Variants in PAPPA2 observed in about 807,000 individuals in gnomAD.
PAPPA2 encodes pappalysin-2.
In PAPPA2, 86 loss-of-function variants were observed where a neutral mutation model predicts 176.4. The ratio of observed to expected loss-of-function variants is 0.49; its 90% CI spans 0.41 to 0.58. PAPPA2 has a LOEUF of 0.58. Among genes scored for constraint, PAPPA2 ranks in the 20% least tolerant of loss-of-function variants. The pLI, the probability that PAPPA2 is intolerant of heterozygous loss-of-function variation, is 0.00. For missense variants in PAPPA2, 2,073 were observed against 2,256.9 expected, an observed-to-expected ratio of 0.92 and a Z score of 1.65; for synonymous variants, 809 against 852.2, an observed-to-expected ratio of 0.95 and a Z score of 0.88.
intron 2 of PAPPA2, among the ~76,000 whole-genome samples, chr1:176,566,337 A>G (rs1210663086): frequency 1.3e-5 from 2 of 152,066 alleles, no homozygotes; most frequent in African/African-American, 4.8e-5. Flanking sequence ...ATGGCCTGTG[A>G]TTATCCTATT....
chr1:176,637,765 T>C (rs1368908888), intron 3 of PAPPA2, among the ~76,000 whole-genome samples: 2 of 152,158 alleles, frequency 1.3e-5, no homozygotes, highest in African/African-American at 2.4e-5. Flanking sequence ...ATTCAATTGT[T>C]TGTGGCCTTT....
chr1:176,721,700 T>C (rs184830211), intron 12 of PAPPA2, among the ~76,000 whole-genome samples: 1 of 152,324 alleles, frequency 6.6e-6, no homozygotes, highest in East Asian at 1.9e-4. Context: ...ATATTCTCTC[T>C]GTCTTTTGTC....
chr1:176,569,051 C>T (rs749669295), intron 2 of PAPPA2, among the ~76,000 whole-genome samples: 21 of 152,206 alleles, frequency 1.4e-4, no homozygotes, highest in Non-Finnish European at 2.5e-4. Flanking sequence ...CCCATGCATA[C>T]TCATGTGTAC....
chr1:176,686,179 T>C (rs757316446), intron 4 of PAPPA2, among the ~76,000 whole-genome samples: 30 of 152,120 alleles, frequency 2.0e-4, no homozygotes, highest in Admixed American at 3.3e-4. Context: ...TCACGCTGCT[T>C]TGAAGAAATA....
chr1:176,746,075 G>A (rs1356998301), intron 14 of PAPPA2, among the ~76,000 whole-genome samples: 1 of 152,194 alleles, frequency 6.6e-6, no homozygotes, highest in Non-Finnish European at 1.5e-5. Flanking sequence ...ACTAGGTGGT[G>A]AGCACCACTG....
chr1:176,587,636 A>G (rs1354662139), intron 2 of PAPPA2, among the ~76,000 whole-genome samples: 3 of 152,102 alleles, frequency 2.0e-5, no homozygotes, highest in Admixed American at 6.6e-5. Flanking sequence ...GTTCTACTCC[A>G]TTGGTCTTTA....
chr1:176,571,674 A>G (rs1283301005), intron 2 of PAPPA2, among the ~76,000 whole-genome samples: 2 of 152,200 alleles, frequency 1.3e-5, no homozygotes, highest in African/African-American at 4.8e-5. Context: ...TGCTTGTTGC[A>G]TGTATATCAA....
chr1:176,594,573 G>A lies in PAPPA2; in HGVS notation c.969G>A (p.Leu323=), dbSNP rs1012184077. The part of the protein sequence containing the change: ...SHTVSDKGWA[L]GIRSGKDKGK... ...CTGTCAGTGACAAAGGCTGGGCCCT[G>A]GGGATCCGCTCAGGGAAGGACAAGG... Residue 323 remains leucine (L), a synonymous_variant, in exon 3 of 23, where the codon CTG becomes CTA. Coordinates refer to ENST00000367662, the MANE Select transcript of PAPPA2 (RefSeq NM_020318.3). 5.6e-6 allele frequency: 9 copies of A among 1,614,048 alleles called. No homozygotes were observed. In the Admixed American group the frequency reaches 1.3e-4, roughly 24 times the overall value.
intron 2 of PAPPA2, among the ~76,000 whole-genome samples, chr1:176,581,949 A>T (rs1573075144): frequency 9.2e-6 from 1 of 108,222 alleles, no homozygotes; most frequent in Non-Finnish European, 1.7e-5. Flanking sequence ...TTTGAGACGG[A>T]GTCTCACTCT....
At chr1:176,533,120 C>T (rs1054605752) in intron 1 of PAPPA2, among the ~76,000 whole-genome samples, 10 of 152,356 alleles carry the variant, frequency 6.6e-5, no homozygotes, top group South Asian at 2.1e-4. Context: ...TTTCCTCCTG[C>T]CTGTGTCCTG....
At chr1:176,713,343 A>G (rs1661227275) in intron 12 of PAPPA2, among the ~76,000 whole-genome samples, 1 of 152,040 alleles carries the variant, frequency 6.6e-6, no homozygotes, top group African/African-American at 2.4e-5. Context: ...TTATATAGAG[A>G]TGGAGTCTAG....
At chr1:176,558,851 C>T (rs918045881) in intron 2 of PAPPA2, among the ~76,000 whole-genome samples, 6 of 152,018 alleles carry the variant, frequency 3.9e-5, no homozygotes, top group South Asian at 2.1e-4. Context: ...ACATAAAGAC[C>T]GGGGATCAAT....
chr1:176,471,180 G>A (rs1305733763), intron 1 of PAPPA2, among the ~76,000 whole-genome samples: 5 of 152,090 alleles, frequency 3.3e-5, no homozygotes, highest in South Asian at 4.2e-4. Context: ...GGAAAATTAC[G>A]GTGGATTCTG....
chr1:176,678,639 T>A (rs553644119), intron 4 of PAPPA2, among the ~76,000 whole-genome samples: 3 of 151,992 alleles, frequency 2.0e-5, no homozygotes, highest in Non-Finnish European at 4.4e-5. Flanking sequence ...TATTTTTTTT[T>A]TTTTCCTGCT....
At chr1:176,497,209 G>A (rs1431060834) in intron 1 of PAPPA2, among the ~76,000 whole-genome samples, 2 of 152,262 alleles carry the variant, frequency 1.3e-5, no homozygotes, top group Middle Eastern at 3.4e-3. Context: ...CTCTCACAGA[G>A]AACATTTTCT....
At chr1:176,820,996 C>T (rs986650612) in intron 21 of PAPPA2, among the ~76,000 whole-genome samples, 16 of 152,134 alleles carry the variant, frequency 1.1e-4, no homozygotes, top group Non-Finnish European at 1.6e-4. Context: ...TTTGTATGTG[C>T]CTCATACCAT....
At chr1:176,511,331 A>G (rs1183323307) in intron 1 of PAPPA2, among the ~76,000 whole-genome samples, 3 of 152,238 alleles carry the variant, frequency 2.0e-5, no homozygotes, top group Non-Finnish European at 4.4e-5. Context: ...ATTCATGATT[A>G]AAACTCTCAA....
At chr1:176,770,792 A>G (rs1664190654) in intron 16 of PAPPA2, among the ~76,000 whole-genome samples, 175 bp from the exon 17 acceptor site, 1 of 152,222 alleles carries the variant, frequency 6.6e-6, no homozygotes, top group African/African-American at 2.4e-5. Flanking sequence ...ATGCTCTGTA[A>G]GTAAAAAGAT....
chr1:176,471,850 T>C (rs534571560), intron 1 of PAPPA2, among the ~76,000 whole-genome samples: 1 of 152,352 alleles, frequency 6.6e-6, no homozygotes, highest in East Asian at 1.9e-4. Context: ...CGGATGTTGC[T>C]GATTGGACAC....
Sources: gnomAD v4.1 joint callset for allele counts (sites outside exome capture counted in the v4.1 genomes callset) on GRCh38, gnomAD v4.1.1 for gene constraint, MANE v1.5 for transcripts, NCBI Gene and HGNC (gene_info 2026-07-23, HGNC 2026-07-21) for gene names.